The following JAKMIP1 variants were observed in gnomAD, a reference collection of about 807,000 sequenced individuals.
The protein encoded by JAKMIP1 is janus kinase and microtubule interacting protein 1.
A neutral mutation model predicts 113.0 loss-of-function variants in JAKMIP1; 33 were observed. The observed-to-expected ratio is 0.29, with a 90% confidence interval of 0.22 to 0.39. The LOEUF (loss-of-function observed/expected upper bound fraction) is 0.39. Ranked by LOEUF, JAKMIP1 falls within the 10% of genes least tolerant of loss-of-function variation. The pLI is 1.00. For synonymous variants in JAKMIP1, 480 were observed against 459.9 expected, an observed-to-expected ratio of 1.04 and a Z score of -0.56; for missense variants, 813 against 1,080.5, an observed-to-expected ratio of 0.75 and a Z score of 3.47.
intron 1 of JAKMIP1, among the ~76,000 whole-genome samples, chr4:6,190,898 G>A (rs556542352): frequency 8.5e-5 from 13 of 152,282 alleles, no homozygotes; most frequent in African/African-American, 3.1e-4. Flanking sequence ...TGGAGATGGG[G>A]TCCAGAGCAG....
In JAKMIP1 at chr4:6,158,357, T is replaced by C. The variant is rs1448484122; in HGVS notation, c.-148+41896A>G. Reference sequence around the variant, plus strand: ...GTGTCTGCCTCCCAGTCTGTATCCATGTAGGAATCTCAGTGATGGCCACAG... The same window carrying C: ...GTGTCTGCCTCCCAGTCTGTATCCACGTAGGAATCTCAGTGATGGCCACAG... On this transcript the variant is annotated intron_variant, in intron 1 of 20. Transcript: ENST00000409021. The surrounding 1 kb of genome is among the most constrained non-coding windows in gnomAD (Gnocchi z 5.3). Among the ~76,000 whole-genome samples, 10 of 152,152 alleles carry C rather than the reference T, an allele frequency of 6.6e-5. No homozygotes were observed. Among genetic ancestry groups the C allele is most frequent in the African/African-American group, 2.4e-4 (10 of 41,436 alleles).
chr4:6,082,372 GC>G (rs547324123), intron 5 of JAKMIP1, among the ~76,000 whole-genome samples: 2 of 151,240 alleles, frequency 1.3e-5, no homozygotes, highest in Non-Finnish European at 1.5e-5. Flanking sequence ...GAAACCTACC[GC>G]CCCCCCAAAA....
At position 6,192,125 on chromosome 4, in the gene JAKMIP1, G is replaced by A. The variant is rs1727343472; in HGVS notation, c.-148+8128C>T. Among the ~76,000 whole-genome samples the A allele has an allele frequency of 6.6e-6, 1 of 151,830 alleles. No homozygotes were observed. The highest frequency in any genetic ancestry group is 2.1e-4 in the South Asian group (1 of 4,810). On this transcript the variant is annotated intron_variant, in intron 1 of 20. Transcript: ENST00000409021. The surrounding 1 kb of genome is among the most constrained non-coding windows in gnomAD (Gnocchi z 5.0). ...TTTTTGTATTTTCAGTAGAGATGGG[G>A]TTTCACCATGTTGGCCAGGCTGGTC...
chr4:6,166,370 G>A (rs1578437566), intron 1 of JAKMIP1, among the ~76,000 whole-genome samples: 2 of 152,302 alleles, frequency 1.3e-5, no homozygotes, highest in African/African-American at 4.8e-5. Flanking sequence ...CCCAGGTCGG[G>A]AGTGGCCCAG....
In JAKMIP1 at chr4:6,061,708, G is replaced by A. The variant is rs941096563; in HGVS notation, c.1560+604C>T. ...GGGGTGAGATGGGGGAGGGGATGCAGGGAAGCACCCGTGTGTGCTCTCCGG... is the reference window on the plus strand; with the variant it reads ...GGGGTGAGATGGGGGAGGGGATGCAAGGAAGCACCCGTGTGTGCTCTCCGG... On this transcript the variant is annotated intron_variant, in intron 10 of 20. Transcript: ENST00000409021. This position sits in a 1 kb window ranked among gnomAD's most constrained non-coding sequence, Gnocchi z 5.3. 6.6e-6 allele frequency among the ~76,000 whole-genome samples: 1 copy of A among 152,180 alleles called. No homozygotes were observed. Among genetic ancestry groups the A allele is most frequent in the African/African-American group, 2.4e-5 (1 of 41,446 alleles).
At chr4:6,101,763 G>T (rs934679377) in intron 3 of JAKMIP1, among the ~76,000 whole-genome samples, 2 of 150,358 alleles carry the variant, frequency 1.3e-5, no homozygotes, top group East Asian at 3.9e-4. Context: ...AAAATTAGCC[G>T]GGCATGGTGG....
chr4:6,123,393 C>T (rs909108091), intron 1 of JAKMIP1, among the ~76,000 whole-genome samples: 2 of 151,984 alleles, frequency 1.3e-5, no homozygotes, highest in Admixed American at 1.3e-4. Context: ...AAGACAGCAT[C>T]GTGCAAAAGG....
At chr4:6,073,126 T>A (rs1448797978) in intron 8 of JAKMIP1, among the ~76,000 whole-genome samples, 7 of 147,044 alleles carry the variant, frequency 4.8e-5, no homozygotes, top group Non-Finnish European at 4.5e-5. Context: ...CAGGCAAAGG[T>A]ACTGTACAAC....
In JAKMIP1 at chr4:6,064,930, T is replaced by C; in HGVS notation, c.1381A>G (p.Thr461Ala). The change falls in exon 9 of 21, where the codon ACA becomes GCA. Residue 461 changes from threonine (T) to alanine (A), a missense_variant. Transcript: ENST00000409021. The surrounding 1 kb of genome is among the most constrained non-coding windows in gnomAD (Gnocchi z 4.3). ...SETLSETSYN[T>A]DRTDRTPATP... is the part of the protein sequence containing the mutation. The stretch of plus-strand genomic sequence containing the variant: ...GCTGGGGTCCTGTCTGTCCTGTCTG[T>C]GTTGTAGGATGTTTCGGACAACGTT... 1 of 1,614,192 alleles carries C rather than the reference T, an allele frequency of 6.2e-7. No homozygotes were observed. Among genetic ancestry groups the C allele is most frequent in the Non-Finnish European group, 8.5e-7 (1 of 1,180,036 alleles).
intron 11 of JAKMIP1, 77 bp from the exon 12 acceptor site, chr4:6,056,836 G>GACCTTTC: frequency 1.0e-6 from 1 of 989,196 alleles, no homozygotes; most frequent in Non-Finnish European, 1.6e-6. Context: ...AGTGAGAAAG[G>GACCTTTC]TCACTTTCTA....
chr4:6,056,562 G>T, intron 12 of JAKMIP1, 135 bp downstream of exon 12: 2 of 694,444 alleles, frequency 2.9e-6, no homozygotes, highest in Non-Finnish European at 5.2e-6. Flanking sequence ...TCTCCTCATG[G>T]GAGGTGTGCA....
intron 3 of JAKMIP1, among the ~76,000 whole-genome samples, chr4:6,091,739 G>A (rs576363080): frequency 1.2e-4 from 18 of 152,330 alleles, no homozygotes; most frequent in African/African-American, 4.3e-4. Context: ...TGCTTGCACT[G>A]TCTATAAATC....
intron 20 of JAKMIP1, among the ~76,000 whole-genome samples, chr4:6,027,312 C>T (rs1458858847): frequency 1.3e-5 from 2 of 152,178 alleles, no homozygotes; most frequent in African/African-American, 2.4e-5. Flanking sequence ...TCCAAACTAA[C>T]AGCCATCAAC....
At chr4:6,160,388 A>C (rs1294042772) in intron 1 of JAKMIP1, among the ~76,000 whole-genome samples, 1 of 152,226 alleles carries the variant, frequency 6.6e-6, no homozygotes, top group African/African-American at 2.4e-5. Flanking sequence ...AATTAAAAGG[A>C]GCTAGCAATA....
chr4:6,117,704 A>G (rs948773223), intron 1 of JAKMIP1, among the ~76,000 whole-genome samples: 4 of 151,852 alleles, frequency 2.6e-5, no homozygotes, highest in African/African-American at 9.7e-5. Context: ...TGCAATCTTG[A>G]CCATAAGAGA....
chr4:6,191,831 T>C (rs1727287544), intron 1 of JAKMIP1, among the ~76,000 whole-genome samples: 1 of 152,250 alleles, frequency 6.6e-6, no homozygotes, highest in Non-Finnish European at 1.5e-5. Flanking sequence ...TAGCATTATT[T>C]TGAAGTAAAA....
At chr4:6,070,555 T>G (rs1718811372) in intron 8 of JAKMIP1, among the ~76,000 whole-genome samples, 1 of 152,236 alleles carries the variant, frequency 6.6e-6, no homozygotes, top group African/African-American at 2.4e-5. Flanking sequence ...CCGTCCTCCC[T>G]GAGCCGAGAG....
At chr4:6,146,831 C>T (rs573952599) in intron 1 of JAKMIP1, among the ~76,000 whole-genome samples, 11 of 152,322 alleles carry the variant, frequency 7.2e-5, no homozygotes, top group African/African-American at 2.4e-4. Context: ...CCAAAGTCCT[C>T]CCTCTCCCTA....
Position 6,098,155 on chromosome 4 carries a change from G to A in JAKMIP1, c.624+7318C>T, listed in dbSNP as rs143066162. On this transcript the variant is annotated intron_variant, in intron 3 of 20. Coordinates refer to ENST00000409021, the MANE Select transcript of JAKMIP1 (RefSeq NM_001099433.2). ...TCAGAAAAGAAACATTCCTCGTCGCGTGCGGTGGCTCACGCCTGTAATCCC... is the reference window on the plus strand; with the variant it reads ...TCAGAAAAGAAACATTCCTCGTCGCATGCGGTGGCTCACGCCTGTAATCCC... Among the ~76,000 whole-genome samples the A allele has an allele frequency of 3.1e-3, 470 of 152,322 alleles. 4 individuals carry two copies. The highest frequency in any genetic ancestry group is 0.011 in the African/African-American group (444 of 41,572).
Sources: allele counts gnomAD v4.1 joint callset (sites outside exome capture counted in the v4.1 genomes callset), GRCh38; gene constraint gnomAD v4.1.1; non-coding constraint Gnocchi (gnomAD v3.1); transcripts MANE v1.5; gene names NCBI Gene and HGNC (gene_info 2026-07-23, HGNC 2026-07-21).